KIF6: variants seen among roughly 807,000 people sequenced by gnomAD.
KIF6 encodes kinesin family member 6.
Under a neutral mutation model 112.7 loss-of-function variants are expected in KIF6, and 106 were observed. That is an observed-to-expected ratio of 0.94 (90% CI 0.80 to 1.11). The LOEUF (loss-of-function observed/expected upper bound fraction) is 1.11, where lower values mean the gene tolerates loss of function less well. Among genes scored for constraint, KIF6 ranks in the 50% least tolerant of loss-of-function variants. KIF6 has a pLI of 0.00. For synonymous variants in KIF6, 339 were observed against 339.9 expected (o/e 1.00, Z 0.03); for missense variants, 929 against 964.0 (o/e 0.96, Z 0.48).
intron 13 of KIF6, among the ~76,000 whole-genome samples, chr6:39,522,820 A>C (rs1777471472): frequency 6.6e-6 from 1 of 152,028 alleles, no homozygotes; most frequent in African/African-American, 2.4e-5. Flanking sequence ...CTCTGCCAAT[A>C]CTGGGGCTCC....
chr6:39,348,876 G>T (rs567988414), intron 19 of KIF6, among the ~76,000 whole-genome samples: 2 of 152,186 alleles, frequency 1.3e-5, no homozygotes, highest in Non-Finnish European at 2.9e-5. Flanking sequence ...AGCAACAGCC[G>T]CTGGGCCCTC....
intron 13 of KIF6, among the ~76,000 whole-genome samples, chr6:39,454,874 C>T (rs1772954135): frequency 6.6e-6 from 1 of 152,228 alleles, no homozygotes; most frequent in Non-Finnish European, 1.5e-5. Context: ...GTCCTACGCC[C>T]ACCGAATCTC....
rs566848009 is a variant in KIF6 at position 39,650,715 on chromosome 6, T to C, written c.252-10958A>G. Among the ~76,000 whole-genome samples, 29 of 152,080 alleles carry C rather than the reference T, an allele frequency of 1.9e-4. No homozygotes were observed. The East Asian group carries it at 5.4e-3, about 28-fold the overall frequency. ...GAAACCACAAAATTTTATACAACAA[T>C]GTGGGAGAAATTCATTGTCTATAGA... On this transcript the variant is annotated intron_variant, in intron 3 of 22. Coordinates refer to ENST00000287152, the MANE Select transcript of KIF6 (RefSeq NM_145027.6).
At chr6:39,655,519 T>A (rs1785732144) in intron 3 of KIF6, among the ~76,000 whole-genome samples, 1 of 152,072 alleles carries the variant, frequency 6.6e-6, no homozygotes, top group South Asian at 2.1e-4. Flanking sequence ...GGCCTTCAGT[T>A]CTCCAACATG....
At chr6:39,492,289 A>AT (rs1272353802) in intron 13 of KIF6, among the ~76,000 whole-genome samples, 4 of 152,168 alleles carry the variant, frequency 2.6e-5, no homozygotes, top group African/African-American at 4.8e-5. Flanking sequence ...AGATGCATGG[A>AT]TTTTGTCTAA....
chr6:39,416,269 C>A lies in KIF6; in HGVS notation c.1810+3679G>T, dbSNP rs1769912579. On this transcript the variant is annotated intron_variant, in intron 15 of 22. Transcript: ENST00000287152. Reference sequence around the variant, plus strand: ...AATGCCTGGATTCTAGTAAGCAAAACCATGCCTGGCTTATGCCACTGCCTC... The same window carrying A: ...AATGCCTGGATTCTAGTAAGCAAAAACATGCCTGGCTTATGCCACTGCCTC... Among the ~76,000 whole-genome samples the A allele has an allele frequency of 2.0e-5, 3 of 152,358 alleles. No homozygotes were observed. The South Asian group carries it at 6.2e-4, about 32-fold the overall frequency.
intron 13 of KIF6, among the ~76,000 whole-genome samples, chr6:39,455,628 T>A (rs1013159020): frequency 6.8e-6 from 1 of 146,222 alleles, no homozygotes; most frequent in Admixed American, 6.8e-5. Context: ...TTGAAAAAAA[T>A]TTAGAAGAAT....
chr6:39,624,312 A>T (rs1783976614), intron 5 of KIF6, among the ~76,000 whole-genome samples: 1 of 152,170 alleles, frequency 6.6e-6, no homozygotes, highest in South Asian at 2.1e-4. Flanking sequence ...CAATATGGTA[A>T]ATTGTTGGTA....
At chr6:39,346,223 C>T in intron 20 of KIF6, 1 of 603,092 alleles carries the variant, frequency 1.7e-6, no homozygotes, top group African/African-American at 1.8e-5. Context: ...AGGAAGCCCT[C>T]AGCAGGAACT....
At chr6:39,427,101 T>C (rs1050278123) in intron 14 of KIF6, among the ~76,000 whole-genome samples, 1 of 152,116 alleles carries the variant, frequency 6.6e-6, no homozygotes, top group Non-Finnish European at 1.5e-5. Flanking sequence ...CTGAGGTCTA[T>C]TGGGAAGCTG....
At chr6:39,370,420 G>A (rs906655520) in intron 16 of KIF6, among the ~76,000 whole-genome samples, 23 of 152,308 alleles carry the variant, frequency 1.5e-4, no homozygotes, top group African/African-American at 5.1e-4. Context: ...TAAAAATTGA[G>A]TTGTGGATCC....
intron 19 of KIF6, among the ~76,000 whole-genome samples, chr6:39,348,449 G>T (rs1344346638): frequency 2.0e-5 from 3 of 152,090 alleles, no homozygotes; most frequent in African/African-American, 7.2e-5. Flanking sequence ...GGCTCTCGAG[G>T]GAAATGACTC....
chr6:39,613,509 CT>C (rs1262964618), intron 5 of KIF6, among the ~76,000 whole-genome samples, 191 bp from the exon 6 acceptor site: 1 of 152,128 alleles, frequency 6.6e-6, no homozygotes, highest in Non-Finnish European at 1.5e-5. Flanking sequence ...TATCAAATAG[CT>C]TTGAGACTGA....
chr6:39,593,612 G>T (rs1450720099), intron 7 of KIF6, among the ~76,000 whole-genome samples: 1 of 152,164 alleles, frequency 6.6e-6, no homozygotes, highest in African/African-American at 2.4e-5. Context: ...GATGCAGTGG[G>T]TGAAAATGAA....
intron 13 of KIF6, among the ~76,000 whole-genome samples, chr6:39,523,252 T>G (rs1241607173): frequency 6.6e-6 from 1 of 152,094 alleles, no homozygotes. Flanking sequence ...GTCGAGGTCC[T>G]TATAATTACG....
chr6:39,525,746 G>A (rs1402387155), intron 13 of KIF6, among the ~76,000 whole-genome samples: 2 of 151,730 alleles, frequency 1.3e-5, no homozygotes, highest in Admixed American at 1.3e-4. Context: ...GAGCCGAGAT[G>A]GCTCCATTGC....
intron 15 of KIF6, among the ~76,000 whole-genome samples, chr6:39,386,697 G>T (rs1767450155): frequency 6.6e-6 from 1 of 152,038 alleles, no homozygotes; most frequent in Admixed American, 6.5e-5. Context: ...GGTAGGATCT[G>T]GGAGGCAATG....
At chr6:39,567,732 C>T (rs570385708) in intron 10 of KIF6, among the ~76,000 whole-genome samples, 5 of 152,200 alleles carry the variant, frequency 3.3e-5, no homozygotes, top group Admixed American at 6.5e-5. Flanking sequence ...CTCAGCCTCC[C>T]GAGTAGCTGG....
At chr6:39,458,140 G>A (rs1250859871) in intron 13 of KIF6, among the ~76,000 whole-genome samples, 15 of 149,406 alleles carry the variant, frequency 1.0e-4, no homozygotes, top group East Asian at 3.9e-4. Context: ...CTGGCAAACC[G>A]AATCCAGCAG....
Sources: allele counts gnomAD v4.1 joint callset (sites outside exome capture counted in the v4.1 genomes callset), GRCh38; gene constraint gnomAD v4.1.1; transcripts MANE v1.5; gene names NCBI Gene and HGNC (gene_info 2026-07-23, HGNC 2026-07-21).